The following CACNA2D3 variants were observed in gnomAD, a reference collection of about 807,000 sequenced individuals.
CACNA2D3 encodes calcium voltage-gated channel auxiliary subunit alpha2delta 3, also known as voltage-dependent calcium channel subunit alpha-2/delta-3.
A neutral mutation model predicts 160.6 loss-of-function variants in CACNA2D3; 60 were observed. The observed-to-expected ratio is 0.37, with a 90% confidence interval of 0.30 to 0.46. The LOEUF (loss-of-function observed/expected upper bound fraction) is 0.46, where lower values mean the gene tolerates loss of function less well. Among genes scored for constraint, CACNA2D3 ranks in the 20% least tolerant of loss-of-function variants. The probability of loss-of-function intolerance (pLI) is 1.00; values close to 1 mark genes in which losing one functional copy is unlikely to be tolerated. For synonymous variants in CACNA2D3, 558 were observed against 492.9 expected (o/e 1.13, Z -1.75); for missense variants, 1,205 against 1,365.0 (o/e 0.88, Z 1.85).
chr3:54,937,966 TA>T (rs942303697), intron 27 of CACNA2D3, among the ~76,000 whole-genome samples: 1 of 152,186 alleles, frequency 6.6e-6, no homozygotes, highest in Non-Finnish European at 1.5e-5. Context: ...CATCTGACCA[TA>T]ACCAGAGAAA....
intron 8 of CACNA2D3, among the ~76,000 whole-genome samples, chr3:54,579,368 G>T (rs1225944752): frequency 2.0e-5 from 3 of 152,120 alleles, no homozygotes; most frequent in Admixed American, 2.0e-4. Context: ...TTTGCATTCC[G>T]TTCTTTCTCT....
chr3:54,839,598 G>A lies in CACNA2D3; in HGVS notation c.1551+950G>A, dbSNP rs78120700. 9.3e-3 allele frequency among the ~76,000 whole-genome samples: 1,416 copies of A among 152,274 alleles called. 29 individuals carry two copies. Among genetic ancestry groups the A allele is most frequent in the African/African-American group, 0.033 (1,358 of 41,544 alleles). On this transcript the variant is annotated intron_variant, in intron 16 of 37. Transcript: ENST00000474759. ...CCATTTCTGGCCCACTCAGATTAAC[G>A]AGGGTTCTCTTTGTCTCCATCTAAA... is the stretch of plus-strand genomic sequence containing the variant.
chr3:55,039,296 C>T (rs562307971), intron 35 of CACNA2D3, among the ~76,000 whole-genome samples: 7 of 152,102 alleles, frequency 4.6e-5, no homozygotes, highest in South Asian at 2.1e-4. Context: ...TCCCCCAAAA[C>T]GATAATTCAG....
chr3:55,060,783 C>T (rs570715163), intron 35 of CACNA2D3, among the ~76,000 whole-genome samples: 41 of 152,030 alleles, frequency 2.7e-4, no homozygotes, highest in African/African-American at 9.9e-4. Context: ...AAAAAAAAAA[C>T]TTTGAAAAAC....
chr3:54,642,290 T>A (rs750106347), intron 11 of CACNA2D3, 49 bp downstream of exon 11: 7 of 1,068,428 alleles, frequency 6.6e-6, no homozygotes, highest in Non-Finnish European at 9.6e-6. Flanking sequence ...TGAGAATCTT[T>A]ACTGTAATCT....
chr3:54,812,332 G>A (rs1353854870), intron 13 of CACNA2D3, among the ~76,000 whole-genome samples: 2 of 152,194 alleles, frequency 1.3e-5, no homozygotes, highest in Non-Finnish European at 2.9e-5. Flanking sequence ...CAGGTATGTG[G>A]TACTAGGAAG....
chr3:54,381,791 C>G (rs181025973), intron 3 of CACNA2D3, among the ~76,000 whole-genome samples: 1 of 152,142 alleles, frequency 6.6e-6, no homozygotes, highest in Non-Finnish European at 1.5e-5. Context: ...TATCCATGGT[C>G]TATGGCTTCT....
intron 11 of CACNA2D3, among the ~76,000 whole-genome samples, chr3:54,741,448 G>A (rs1387729225): frequency 1.3e-5 from 2 of 152,138 alleles, no homozygotes; most frequent in Non-Finnish European, 2.9e-5. Flanking sequence ...TAAGGAAAGT[G>A]AGACTTACAA....
At chr3:54,865,299 AT>A (rs1403933767) in intron 17 of CACNA2D3, among the ~76,000 whole-genome samples, 1 of 152,190 alleles carries the variant, frequency 6.6e-6, no homozygotes, top group Admixed American at 6.5e-5. Context: ...TATTTTCCAA[AT>A]TTTCAACAAT....
chr3:54,837,155 C>T lies in CACNA2D3; in HGVS notation c.1399-4C>T, dbSNP rs1185644962. The T allele has an allele frequency of 6.2e-7, 1 of 1,613,764 alleles. No homozygotes were observed. Among genetic ancestry groups the T allele is most frequent in the Non-Finnish European group, 8.5e-7 (1 of 1,179,686 alleles). ...CCGGTAACTGGCTTTTCTCTTCCAT[C>T]CAGCTGACTGATGATCAGGGCCCCG... On this transcript the variant is annotated splice_region_variant and splice_polypyrimidine_tract_variant and intron_variant, in intron 14 of 37. Transcript: ENST00000474759.
chr3:54,638,131 A>T (rs577049057), intron 10 of CACNA2D3: 4 of 151,992 alleles, frequency 2.6e-5, no homozygotes, highest in Non-Finnish European at 5.9e-5. Context: ...TTTGAGGGCC[A>T]GATTCCAGTT....
intron 13 of CACNA2D3, among the ~76,000 whole-genome samples, chr3:54,812,903 A>G (rs1703356214): frequency 6.6e-6 from 1 of 152,230 alleles, no homozygotes; most frequent in East Asian, 1.9e-4. Context: ...TACAAAAAGC[A>G]AAAGAGCTAA....
At chr3:54,723,746 G>A (rs373093235) in intron 11 of CACNA2D3, among the ~76,000 whole-genome samples, 18 of 152,278 alleles carry the variant, frequency 1.2e-4, no homozygotes, top group African/African-American at 3.1e-4. Flanking sequence ...GAGATGAACC[G>A]AGTACCTCAG....
chr3:54,987,535 A>T, intron 30 of CACNA2D3, 148 bp from the exon 31 acceptor site: 1 of 549,410 alleles, frequency 1.8e-6, no homozygotes. Flanking sequence ...ATGAGTTCTC[A>T]TGACTGTTAA....
intron 26 of CACNA2D3, among the ~76,000 whole-genome samples, chr3:54,898,425 G>A (rs1247005368): frequency 3.3e-5 from 5 of 152,052 alleles, no homozygotes; most frequent in African/African-American, 1.2e-4. Context: ...GTTTCACCAT[G>A]TTGGCCAGGC....
At position 54,647,992 on chromosome 3, in the gene CACNA2D3, G is replaced by A. The variant is rs972248801; in HGVS notation, c.1167+5751G>A. On this transcript the variant is annotated intron_variant, in intron 11 of 37. Coordinates refer to ENST00000474759, the MANE Select transcript of CACNA2D3 (RefSeq NM_018398.3). ...AGGAACTCATTCCAGGACCTGCTCA[G>A]GAAATAAAGCTGCATTCACTTTATG... Among the ~76,000 whole-genome samples the A allele has an allele frequency of 9.9e-5, 15 of 152,154 alleles. 1 individual carries two copies. Among genetic ancestry groups the A allele is most frequent in the South Asian group, 8.3e-4 (4 of 4,830 alleles).
chr3:54,618,375 G>GCACACACACACA lies in CACNA2D3; in HGVS notation c.964-9385_964-9374dup, dbSNP rs56788185. ...TACATATATATATATATATATATATGCACACACACACACACACACACACAC... is the reference window on the plus strand; with the variant it reads ...TACATATATATATATATATATATATGCACACACACACACACACACACACACACACACACACAC... On this transcript the variant is annotated intron_variant, in intron 9 of 37. Transcript: ENST00000474759. 6.6e-3 allele frequency among the ~76,000 whole-genome samples: 762 copies of GCACACACACACA among 115,466 alleles called. 8 individuals carry two copies. Among genetic ancestry groups the GCACACACACACA allele is most frequent in the Admixed American group, 0.012 (121 of 10,358 alleles). The allele number at this position is 115,466 out of a possible 152,430, so 75.8% of individuals were successfully genotyped here. A position where few individuals can be genotyped will look rare whatever the true frequency, so the allele number is the denominator to read the frequency against.
chr3:54,981,308 T>A (rs1702502173), intron 29 of CACNA2D3, among the ~76,000 whole-genome samples: 1 of 152,216 alleles, frequency 6.6e-6, no homozygotes. Flanking sequence ...CCCTCTTTTA[T>A]GACAGAACAA....
In CACNA2D3 at chr3:54,177,504, G is replaced by A. The variant is rs563211768; in HGVS notation, c.204+53910G>A. Among the ~76,000 whole-genome samples the A allele has an allele frequency of 4.0e-4, 61 of 152,252 alleles. No homozygotes were observed. The South Asian group carries it at 0.012, about 31-fold the overall frequency. On this transcript the variant is annotated intron_variant, in intron 2 of 37. Coordinates refer to ENST00000474759, the MANE Select transcript of CACNA2D3 (RefSeq NM_018398.3). ...AGCTAACTCCTCGGGCTTTTTTAAT[G>A]GAGTAGTTCACTTTGGAAGACTATT... is the stretch of plus-strand genomic sequence containing the variant.
Sources: gnomAD v4.1 joint callset for allele counts (sites outside exome capture counted in the v4.1 genomes callset) on GRCh38, gnomAD v4.1.1 for gene constraint, MANE v1.5 for transcripts, NCBI Gene and HGNC (gene_info 2026-07-23, HGNC 2026-07-21) for gene names.